Variants in ADAMTS2 observed in about 807,000 individuals in gnomAD.
ADAMTS2 encodes the protein A disintegrin and metalloproteinase with thrombospondin motifs 2.
Under a neutral mutation model 123.0 loss-of-function variants are expected in ADAMTS2, and 50 were observed. That is an observed-to-expected ratio of 0.41 (90% CI 0.32 to 0.51). The LOEUF (loss-of-function observed/expected upper bound fraction) is 0.51. ADAMTS2 is among the 20% of genes least tolerant of loss of function. ADAMTS2 has a pLI of 0.35. For synonymous variants in ADAMTS2, 678 were observed against 695.4 expected (o/e 0.98, Z 0.39); for missense variants, 1,494 against 1,705.2 (o/e 0.88, Z 2.18).
chr5:179,149,773 C>T (rs1184948039), intron 10 of ADAMTS2, among the ~76,000 whole-genome samples: 2 of 152,200 alleles, frequency 1.3e-5, no homozygotes, highest in Non-Finnish European at 1.5e-5. Context: ...TTCCACGTTC[C>T]CCCAACATCC....
chr5:179,223,411 C>G (rs961070562), intron 3 of ADAMTS2, among the ~76,000 whole-genome samples: 10 of 150,098 alleles, frequency 6.7e-5, no homozygotes, highest in African/African-American at 2.0e-4. Flanking sequence ...CGCATGCAGT[C>G]ACATACACAC....
chr5:179,203,195 G>A (rs1209396157), intron 4 of ADAMTS2, among the ~76,000 whole-genome samples: 1 of 152,150 alleles, frequency 6.6e-6, no homozygotes, highest in Non-Finnish European at 1.5e-5. Context: ...CCACCATCAG[G>A]GCCCCCACCA....
chr5:179,329,142 A>T (rs560214906), intron 2 of ADAMTS2, among the ~76,000 whole-genome samples: 1 of 152,046 alleles, frequency 6.6e-6, no homozygotes, highest in East Asian at 1.9e-4. Flanking sequence ...CCTGGCTAAC[A>T]CGGTGAAACC....
At chr5:179,191,693 C>T (rs1483954491) in intron 4 of ADAMTS2, among the ~76,000 whole-genome samples, 1 of 152,148 alleles carries the variant, frequency 6.6e-6, no homozygotes, top group Non-Finnish European at 1.5e-5. Flanking sequence ...CCTATCCCTA[C>T]CGCTGCCCCC....
chr5:179,145,609 T>C (rs1763237872), intron 10 of ADAMTS2, among the ~76,000 whole-genome samples: 1 of 152,134 alleles, frequency 6.6e-6, no homozygotes, highest in Non-Finnish European at 1.5e-5. Context: ...AGGCGCAAAA[T>C]GTCCCATGTT....
At chr5:179,143,301 G>T (rs970710001) in intron 10 of ADAMTS2, among the ~76,000 whole-genome samples, 4 of 152,106 alleles carry the variant, frequency 2.6e-5, no homozygotes, top group African/African-American at 9.7e-5. Flanking sequence ...AGGCATGGTG[G>T]TACAACCTGT....
intron 2 of ADAMTS2, among the ~76,000 whole-genome samples, chr5:179,320,023 C>T (rs747508966): frequency 3.3e-5 from 5 of 152,236 alleles, no homozygotes; most frequent in African/African-American, 9.6e-5. Context: ...CTGGAGCAGC[C>T]GGTGATCAGT....
intron 4 of ADAMTS2, among the ~76,000 whole-genome samples, chr5:179,194,607 G>A (rs909135433): frequency 6.6e-6 from 1 of 152,134 alleles, no homozygotes; most frequent in Non-Finnish European, 1.5e-5. Context: ...GGGAGCTCTC[G>A]ATCTTCAGGC....
intron 4 of ADAMTS2, among the ~76,000 whole-genome samples, chr5:179,184,239 G>A (rs992976160): frequency 2.2e-4 from 33 of 152,116 alleles, no homozygotes; most frequent in Non-Finnish European, 4.0e-4. Context: ...CTGGCCAGGC[G>A]CAGTGGCTCA....
Position 179,208,113 on chromosome 5 carries a change from G to A in ADAMTS2, c.689-398C>T, listed in dbSNP as rs868833127. On this transcript the variant is annotated intron_variant, in intron 3 of 21. Coordinates refer to ENST00000251582, the MANE Select transcript of ADAMTS2 (RefSeq NM_014244.5). ...ATGGAGAGGTCGGGAACCTCAGCCC[G>A]CACTGCCTGACGCTGGAGTGGGCAG... is the stretch of plus-strand genomic sequence containing the variant. 1.1e-4 allele frequency among the ~76,000 whole-genome samples: 16 copies of A among 150,908 alleles called. No individual in the cohort carries two copies. The South Asian group carries it at 1.3e-3, about 12-fold the overall frequency.
intron 3 of ADAMTS2, among the ~76,000 whole-genome samples, chr5:179,243,464 C>T (rs544121470): frequency 6.6e-6 from 1 of 152,196 alleles, no homozygotes; most frequent in East Asian, 1.9e-4. Flanking sequence ...AAGGCTGTGC[C>T]CTCCAACAGC....
At chr5:179,238,322 C>A (rs956957305) in intron 3 of ADAMTS2, among the ~76,000 whole-genome samples, 5 of 152,172 alleles carry the variant, frequency 3.3e-5, no homozygotes, top group Non-Finnish European at 7.3e-5. Context: ...GGCCAGCTCC[C>A]CTCAGGGACT....
chr5:179,186,685 C>T (rs938032493), intron 4 of ADAMTS2, among the ~76,000 whole-genome samples: 4 of 152,202 alleles, frequency 2.6e-5, no homozygotes, highest in African/African-American at 7.2e-5. Flanking sequence ...AGCAGAGAGT[C>T]GACTGATGTG....
intron 2 of ADAMTS2, among the ~76,000 whole-genome samples, chr5:179,291,166 C>T (rs1756177518): frequency 6.6e-6 from 1 of 152,228 alleles, no homozygotes; most frequent in African/African-American, 2.4e-5. Context: ...TGAGGATTCC[C>T]ACTCACATCA....
chr5:179,284,832 G>A (rs887078569), intron 2 of ADAMTS2, among the ~76,000 whole-genome samples: 9 of 152,148 alleles, frequency 5.9e-5, no homozygotes, highest in Non-Finnish European at 1.2e-4. Context: ...CGAAGAAGGC[G>A]GCAAGCCCAG....
At chr5:179,131,710 G>A (rs1365946850) in intron 15 of ADAMTS2, among the ~76,000 whole-genome samples, 1 of 152,186 alleles carries the variant, frequency 6.6e-6, no homozygotes, top group Non-Finnish European at 1.5e-5. Context: ...AAGGGGCACC[G>A]AGAGGTGTGA....
intron 10 of ADAMTS2, among the ~76,000 whole-genome samples, chr5:179,150,121 A>G (rs368327788): frequency 9.9e-6 from 1 of 100,794 alleles, no homozygotes; most frequent in Non-Finnish European, 2.6e-5. Context: ...GGGCCCCACC[A>G]GCTCCTGCTC....
intron 3 of ADAMTS2, among the ~76,000 whole-genome samples, chr5:179,210,306 G>A (rs966237492): frequency 6.6e-6 from 1 of 152,232 alleles, no homozygotes; most frequent in Non-Finnish European, 1.5e-5. Context: ...GAGGGCATGG[G>A]TGCCGCATCG....
chr5:179,111,225 CTG>C lies in ADAMTS2; in HGVS notation c.*2640_*2641del, dbSNP rs1187540788. On this transcript the variant is annotated 3_prime_UTR_variant, in exon 22 of 22. Transcript: ENST00000251582. ...ACTAAGGAGAAGTGACTCAGGGACACTGTTGCAGATTTTCTAGTGCAGCGGAA... is the reference window on the plus strand; with the variant it reads ...ACTAAGGAGAAGTGACTCAGGGACACTTGCAGATTTTCTAGTGCAGCGGAA... The C allele has an allele frequency of 6.6e-6, 1 of 152,226 alleles. No homozygotes were observed. Among genetic ancestry groups the C allele is most frequent in the African/African-American group, 2.4e-5 (1 of 41,472 alleles). The allele number at this position is 152,226 out of a possible 1,614,324, so 9.4% of individuals were successfully genotyped here.
Sources: allele counts gnomAD v4.1 joint callset (sites outside exome capture counted in the v4.1 genomes callset), GRCh38; gene constraint gnomAD v4.1.1; transcripts MANE v1.5; gene names NCBI Gene and HGNC (gene_info 2026-07-23, HGNC 2026-07-21).